UBAP2: variants seen among roughly 807,000 people sequenced by gnomAD.
The protein encoded by UBAP2 is ubiquitin associated protein 2.
UBAP2 carries 75 observed loss-of-function variants against 139.6 expected under a neutral mutation model. The ratio of observed to expected loss-of-function variants is 0.54; its 90% confidence interval spans 0.45 to 0.65. UBAP2 has a LOEUF of 0.65. Among genes scored for constraint, UBAP2 ranks in the 30% least tolerant of loss-of-function variants. The probability of loss-of-function intolerance (pLI) is 0.00; values close to 1 mark genes in which losing one functional copy is unlikely to be tolerated. For missense variants in UBAP2, 1,368 were observed against 1,369.6 expected, an observed-to-expected ratio of 1.00 and a Z score of 0.02; for synonymous variants, 526 against 526.2, an observed-to-expected ratio of 1.00 and a Z score of 0.01.
chr9:33,925,766 G>A (rs1275041478), intron 22 of UBAP2, among the ~76,000 whole-genome samples: 2 of 152,188 alleles, frequency 1.3e-5, no homozygotes, highest in African/African-American at 4.8e-5. Context: ...CAACACCCAC[G>A]GGGAAGAAGG....
At chr9:33,931,195 GCTGA>G (rs1823950712) in intron 19 of UBAP2, among the ~76,000 whole-genome samples, 1 of 152,168 alleles carries the variant, frequency 6.6e-6, no homozygotes, top group African/African-American at 2.4e-5. Flanking sequence ...TATTTGGAAG[GCTGA>G]CTTTTCCTAT....
intron 16 of UBAP2, among the ~76,000 whole-genome samples, chr9:33,936,795 C>T (rs1174772324): frequency 6.6e-6 from 1 of 151,896 alleles, no homozygotes; most frequent in African/African-American, 2.4e-5. Flanking sequence ...CCTTGACATA[C>T]ACAAACAGCA....
intron 3 of UBAP2, 117 bp from the exon 4 acceptor site, chr9:33,996,450 AGACTCTT>A (rs1564054044): frequency 1.5e-5 from 10 of 686,716 alleles, no homozygotes; most frequent in Admixed American, 7.9e-5. Flanking sequence ...GGCCTCTTCT[AGACTCTT>A]GAGTTTACAA....
At chr9:33,999,817 C>T (rs1052535737) in intron 2 of UBAP2, among the ~76,000 whole-genome samples, 2 of 151,964 alleles carry the variant, frequency 1.3e-5, no homozygotes, top group East Asian at 1.9e-4. Flanking sequence ...TTAACCAATG[C>T]TCCTGCCTCA....
At chr9:33,944,283 T>C in intron 14 of UBAP2, 82 bp downstream of exon 14, 1 of 1,549,444 alleles carries the variant, frequency 6.5e-7, no homozygotes, top group Non-Finnish European at 8.7e-7. Flanking sequence ...GTACCCCAGT[T>C]TCCAAAACTT....
Position 33,923,491 on chromosome 9 carries a change from G to T in UBAP2, c.2797-13C>A, listed in dbSNP as rs1823122644. On this transcript the variant is annotated splice_polypyrimidine_tract_variant and intron_variant, in intron 24 of 28. Coordinates refer to ENST00000379238, the MANE Select transcript of UBAP2 (RefSeq NM_001370062.2). ...AGGCTGGAGGGACCTGGGGGGGCAA[G>T]CAGATGAGGTATTAGTGTAGGAAGA... 1 of 1,613,290 alleles carries T rather than the reference G, an allele frequency of 6.2e-7. No individual in the cohort carries two copies. The highest frequency in any genetic ancestry group is 8.5e-7 in the Non-Finnish European group (1 of 1,179,276).
intron 4 of UBAP2, chr9:33,995,788 TA>T (rs75301002): frequency 1.3e-3 from 185 of 137,992 alleles, no homozygotes; most frequent in Non-Finnish European, 1.4e-3. Flanking sequence ...AACCCAATAT[TA>T]AAAAAAAAAA....
chr9:34,021,853 C>T (rs1465676819), intron 1 of UBAP2, among the ~76,000 whole-genome samples: 1 of 152,074 alleles, frequency 6.6e-6, no homozygotes, highest in African/African-American at 2.4e-5. Context: ...AGGCTGGTTT[C>T]GAACTCCAGA....
At chr9:33,925,680 C>T (rs1233447909) in intron 22 of UBAP2, among the ~76,000 whole-genome samples, 1 of 152,180 alleles carries the variant, frequency 6.6e-6, no homozygotes, top group Non-Finnish European at 1.5e-5. Flanking sequence ...GGAAATACGG[C>T]CAGCCAGTGG....
intron 2 of UBAP2, among the ~76,000 whole-genome samples, chr9:34,007,421 A>T (rs1394554924): frequency 6.6e-6 from 1 of 151,334 alleles, no homozygotes; most frequent in Non-Finnish European, 1.5e-5. Flanking sequence ...TCTTGAGCCT[A>T]GGGGGGTCAA....
chr9:33,942,602 C>T (rs1485512902), intron 15 of UBAP2, among the ~76,000 whole-genome samples: 3 of 151,730 alleles, frequency 2.0e-5, no homozygotes, highest in East Asian at 1.9e-4. Flanking sequence ...TGGTGGTGCA[C>T]GCCTGTAATC....
intron 23 of UBAP2, 37 bp from the exon 24 acceptor site, chr9:33,924,037 T>TC (rs776419951): frequency 7.5e-6 from 12 of 1,610,254 alleles, no homozygotes; most frequent in Non-Finnish European, 8.5e-6. Flanking sequence ...CTGCCCTTCC[T>TC]CCAACCAGAG....
At chr9:34,019,128 C>T (rs1824668291) in intron 1 of UBAP2, among the ~76,000 whole-genome samples, 1 of 152,072 alleles carries the variant, frequency 6.6e-6, no homozygotes, top group South Asian at 2.1e-4. Flanking sequence ...GGCTAGGGTG[C>T]AGTGGCTCAC....
intron 6 of UBAP2, among the ~76,000 whole-genome samples, chr9:33,984,182 G>GT (rs1184082331): frequency 6.6e-6 from 1 of 152,044 alleles, no homozygotes; most frequent in African/African-American, 2.4e-5. Flanking sequence ...GGGATTACAG[G>GT]TATGAGCCAC....
intron 2 of UBAP2, among the ~76,000 whole-genome samples, chr9:34,006,900 A>G (rs895408552): frequency 1.6e-4 from 25 of 152,210 alleles, no homozygotes; most frequent in African/African-American, 6.0e-4. Flanking sequence ...ACTACTGAAC[A>G]TATTATTTAC....
chr9:34,012,035 A>T lies in UBAP2; in HGVS notation c.99+5015T>A, dbSNP rs1823794446. On this transcript the variant is annotated intron_variant, in intron 2 of 28. Coordinates refer to ENST00000379238, the MANE Select transcript of UBAP2 (RefSeq NM_001370062.2). ...AAGCCTGTACTCATTAATGTTCAAC[A>T]GTTTTGCATTAACTTTACATATTTT... Among the ~76,000 whole-genome samples, 3 of 152,346 alleles carry T rather than the reference A, an allele frequency of 2.0e-5. No individual in the cohort carries two copies. The South Asian group carries it at 6.2e-4, about 32-fold the overall frequency.
intron 2 of UBAP2, 50 bp downstream of exon 2, chr9:34,016,994 TATAATA>T (rs1407369053): frequency 7.9e-7 from 1 of 1,263,616 alleles, no homozygotes; most frequent in African/African-American, 1.6e-5. Context: ...AAACTTCAAG[TATAATA>T]ATAAAAGAAA....
At chr9:33,962,842 G>C (rs1036586024) in intron 9 of UBAP2, among the ~76,000 whole-genome samples, 2 of 150,716 alleles carry the variant, frequency 1.3e-5, no homozygotes, top group African/African-American at 4.9e-5. Flanking sequence ...GTCAGGAGTG[G>C]TGCCTCACAC....
intron 19 of UBAP2, among the ~76,000 whole-genome samples, chr9:33,930,620 G>A (rs978682692): frequency 4.6e-5 from 7 of 152,028 alleles, no homozygotes; most frequent in African/African-American, 1.2e-4. Flanking sequence ...GATGATGGCC[G>A]GGCGCGGTGG....
Sources: gnomAD v4.1 joint callset for allele counts (sites outside exome capture counted in the v4.1 genomes callset) on GRCh38, gnomAD v4.1.1 for gene constraint, MANE v1.5 for transcripts, NCBI Gene and HGNC (gene_info 2026-07-23, HGNC 2026-07-21) for gene names.